Variants in HHATL observed in about 807,000 individuals in gnomAD.
HHATL encodes the protein hedgehog acyltransferase like.
Under a neutral mutation model 59.7 loss-of-function variants are expected in HHATL, and 49 were observed. That is an observed-to-expected ratio of 0.82 (90% CI 0.65 to 1.04). The LOEUF is 1.04. Among genes scored for constraint, HHATL ranks in the 50% least tolerant of loss-of-function variants. The probability of loss-of-function intolerance (pLI) is 0.00; values close to 1 mark genes in which losing one functional copy is unlikely to be tolerated. For synonymous variants in HHATL, 238 were observed against 257.3 expected, an observed-to-expected ratio of 0.93 and a Z score of 0.72; for missense variants, 605 against 650.8, an observed-to-expected ratio of 0.93 and a Z score of 0.77.
rs1367050954 is a variant in HHATL, at chr3:42,699,808, C to A, written c.124G>T (p.Ala42Ser). 2 of 1,568,082 alleles carry A rather than the reference C, an allele frequency of 1.3e-6. No individual in the cohort carries two copies. Among genetic ancestry groups the A allele is most frequent in the South Asian group, 2.3e-5 (2 of 85,120 alleles). ...CCAGGTCGCACAGACTCCCGGAAGG[C>A]CTTCCTGTGGGCCCCATCTGAGAAC... ...EASQDGAHRKAFRESVRPGWE... is the reference protein window; with the variant it reads ...EASQDGAHRKSFRESVRPGWE... The change falls in exon 3 of 12, where the codon GCC becomes TCC. Residue 42 changes from alanine (A) to serine (S), a missense_variant. By Grantham distance (99) the Ala-to-Ser change is moderately conservative. Transcript: ENST00000441594.
chr3:42,698,710 G>T lies in HHATL; in HGVS notation c.481C>A (p.Gln161Lys). The T allele has an allele frequency of 6.4e-7, 1 of 1,562,630 alleles. No homozygotes were observed. The highest frequency in any genetic ancestry group is 8.6e-7 in the Non-Finnish European group (1 of 1,159,838). The change falls in exon 5 of 12, where the codon CAG (glutamine) becomes AAG (lysine). Residue 161 changes from glutamine to lysine, a missense_variant and splice_region_variant. Transcript: ENST00000441594. ...TCTACCCCTGCACCAGTTCACACCT[G>T]CCAAGAGATTAGGGGGTCCATCTTG... ...SFKMDPLISW[Q>K]SGFVTGTFDL...
In HHATL at chr3:42,692,705, G is replaced by A. The variant is rs867951698; in HGVS notation, c.*46C>T. 1.3e-5 allele frequency: 21 copies of A among 1,613,740 alleles called. 1 individual carries two copies. The Middle Eastern group carries it at 3.0e-3, about 227-fold the overall frequency. ...TTATTCTATCGGTCAGGCCCCATCTGGCCCAAGAATAGCTGAGCAGAGCCC... is the reference window on the plus strand; with the variant it reads ...TTATTCTATCGGTCAGGCCCCATCTAGCCCAAGAATAGCTGAGCAGAGCCC... On this transcript the variant is annotated 3_prime_UTR_variant, in exon 12 of 12. Transcript: ENST00000441594.
intron 9 of HHATL, among the ~76,000 whole-genome samples, 164 bp downstream of exon 9, chr3:42,696,678 A>G (rs1697624434): frequency 6.6e-6 from 1 of 151,818 alleles, no homozygotes; most frequent in Non-Finnish European, 1.5e-5. Flanking sequence ...CTTAAATCCT[A>G]ACTTCTATAT....
At chr3:42,697,386 C>G (rs1315960414) in intron 7 of HHATL, 122 bp downstream of exon 7, 1 of 1,200,244 alleles carries the variant, frequency 8.3e-7, no homozygotes, top group East Asian at 2.3e-5. Context: ...GCCCCTGCTC[C>G]CACGCCCTCA....
intron 9 of HHATL, chr3:42,694,140 T>G: frequency 2.9e-6 from 1 of 339,262 alleles, no homozygotes; most frequent in Non-Finnish European, 5.5e-6. Context: ...ATGCAATTGC[T>G]ACTAGCCATG....
chr3:42,693,415 G>T, intron 10 of HHATL, 197 bp from the exon 11 acceptor site: 1 of 780,226 alleles, frequency 1.3e-6, no homozygotes, highest in Non-Finnish European at 2.0e-6. Context: ...GACCAACATG[G>T]CAAGGCCCAG....
chr3:42,697,262 C>A, intron 7 of HHATL, 117 bp from the exon 8 acceptor site: 3 of 1,316,546 alleles, frequency 2.3e-6, no homozygotes, highest in Non-Finnish European at 3.1e-6. Context: ...CCACGGAGAC[C>A]CCCCCATATT....
intron 11 of HHATL, 37 bp from the exon 12 acceptor site, chr3:42,692,912 C>A (rs1472637680): frequency 6.2e-7 from 1 of 1,601,248 alleles, no homozygotes; most frequent in Admixed American, 1.7e-5. Context: ...TCAGGAGCAG[C>A]ACTGCATCCT....
rs112397807 is a variant in HHATL at position 42,697,536 on chromosome 3, G to T, written c.837C>A (p.Phe279Leu). 2.5e-6 allele frequency: 4 copies of T among 1,613,900 alleles called. No individual in the cohort carries two copies. Among genetic ancestry groups the T allele is most frequent in the Non-Finnish European group, 3.4e-6 (4 of 1,179,942 alleles). ...GGGCACTGTCTGGGAGGCGGTTGGC[G>T]AACTTGAGGTCGCTGGGGATAGTGA... ...YILTIPSDLKFANRLPDSALA... is the reference protein window; with the variant it reads ...YILTIPSDLKLANRLPDSALA... The change falls in exon 7 of 12, where the codon TTC (phenylalanine) becomes TTA (leucine). Residue 279 changes from phenylalanine to leucine, a missense_variant. By Grantham distance (22) the Phe-to-Leu change is conservative (BLOSUM62 0). Transcript: ENST00000441594.
Position 42,693,194 on chromosome 3 carries a change from G to C in HHATL, c.1273C>G (p.Arg425Gly), listed in dbSNP as rs776066700. The change falls in exon 11 of 12, where the codon CGT becomes GGT. Residue 425 changes from arginine (R) to glycine (G), a missense_variant. Transcript: ENST00000441594. The stretch of plus-strand genomic sequence containing the variant: ...GCTCCAAACAGGGCCCGGACCCTAC[G>C]GGACATCTGCACTGACAGAGAGGCC... ...IEASLSVQMSRRVRALFGAMN... is the reference protein window; with the variant it reads ...IEASLSVQMSGRVRALFGAMN... 5 of 1,614,016 alleles carry C rather than the reference G, an allele frequency of 3.1e-6. No homozygotes were observed. The highest frequency in any genetic ancestry group is 1.3e-5 in the African/African-American group (1 of 74,896).
intron 10 of HHATL, 48 bp downstream of exon 10, chr3:42,693,569 C>CG (rs1553681733): frequency 1.3e-6 from 2 of 1,527,684 alleles, no homozygotes; most frequent in Non-Finnish European, 1.8e-6. Flanking sequence ...AGTGCCCCCC[C>CG]GCCCTCTATG....
At chr3:42,697,859 ACCCAGTTCTGTCCTGGGAGC>A (rs1021326519) in intron 6 of HHATL, among the ~76,000 whole-genome samples, 180 bp from the exon 7 acceptor site, 5 of 152,016 alleles carry the variant, frequency 3.3e-5, no homozygotes, top group African/African-American at 1.2e-4. Flanking sequence ...GCCATGGGAG[ACCCAGTTCTGTCCTGGGAGC>A]CCCATTTGAG....
intron 2 of HHATL, 72 bp from the exon 3 acceptor site, chr3:42,699,897 C>T: frequency 7.7e-7 from 1 of 1,295,156 alleles, no homozygotes; most frequent in Non-Finnish European, 1.1e-6. Flanking sequence ...GTGGACAAGG[C>T]TGCCCCACCC....
chr3:42,700,899 T>G, intron 1 of HHATL, 60 bp from the exon 2 acceptor site: 1 of 1,171,936 alleles, frequency 8.5e-7, no homozygotes, highest in Non-Finnish European at 1.3e-6. Flanking sequence ...CCCCACCTCA[T>G]GGTCCCACCA....
In HHATL at chr3:42,697,014, C is replaced by T. The variant is rs767335152; in HGVS notation, c.997G>A (p.Val333Ile). ...GCCAGCACTCACGTTTCCGCAAAGA[C>T]GTAGAGTGCGGTGATGCACTTGGGA... is the stretch of plus-strand genomic sequence containing the variant. ...QPPKCITALY[V>I]FAETHFDRGI... The change falls in exon 8 of 12, where the codon GTC (valine) becomes ATC (isoleucine). Residue 333 changes from valine to isoleucine, a missense_variant. Transcript: ENST00000441594. 2.1e-5 allele frequency: 33 copies of T among 1,606,134 alleles called. No individual in the cohort carries two copies. Among genetic ancestry groups the T allele is most frequent in the African/African-American group, 5.3e-5 (4 of 74,850 alleles).
In HHATL at chr3:42,701,047, T is replaced by G; in HGVS notation, c.-13-208A>C. The G allele has an allele frequency of 1.9e-6, 1 of 539,362 alleles. No individual in the cohort carries two copies. Among genetic ancestry groups the G allele is most frequent in the Non-Finnish European group, 3.3e-6 (1 of 299,568 alleles). 33.4% of individuals were successfully genotyped at this position (539,362 alleles called of 1,614,324 possible). Reference sequence around the variant, plus strand: ...AGTGCCCCATCCCAGCTGCTGCTCTTGCCCCCACCCCACCCATCAAGGCTC... The same window carrying G: ...AGTGCCCCATCCCAGCTGCTGCTCTGGCCCCCACCCCACCCATCAAGGCTC... On this transcript the variant is annotated intron_variant, in intron 1 of 11. Coordinates refer to ENST00000441594, the MANE Select transcript of HHATL (RefSeq NM_020707.4). This position sits in a 1 kb window ranked among gnomAD's most constrained non-coding sequence, Gnocchi z 5.1.
chr3:42,700,615 G>A (rs1697920510), intron 2 of HHATL, 106 bp downstream of exon 2: 2 of 672,886 alleles, frequency 3.0e-6, no homozygotes, highest in South Asian at 2.0e-5. Context: ...TCTAGAAGGA[G>A]TACCCTAGGT....
At chr3:42,700,665 T>C in intron 2 of HHATL, 56 bp downstream of exon 2, 2 of 1,242,322 alleles carry the variant, frequency 1.6e-6, no homozygotes, top group Non-Finnish European at 2.3e-6. Flanking sequence ...GTTGGAACCC[T>C]GAGGCCTCCA....
intron 7 of HHATL, 30 bp from the exon 8 acceptor site, chr3:42,697,175 G>A (rs775170444): frequency 2.0e-6 from 3 of 1,510,434 alleles, no homozygotes; most frequent in East Asian, 2.3e-5. Context: ...ACTGCCTGGG[G>A]TCCAATCGCC....
Sources: gnomAD v4.1 joint callset for allele counts (sites outside exome capture counted in the v4.1 genomes callset) on GRCh38, gnomAD v4.1.1 for gene constraint, Gnocchi (gnomAD v3.1) non-coding constraint, MANE v1.5 for transcripts, NCBI Gene and HGNC (gene_info 2026-07-23, HGNC 2026-07-21) for gene names.